Variants in AXIN1 observed in about 807,000 individuals in gnomAD.
The protein encoded by AXIN1 is axin-1.
In AXIN1, 30 loss-of-function variants were observed where a neutral mutation model predicts 76.4. The observed-to-expected ratio is 0.39, with a 90% CI of 0.29 to 0.53. The LOEUF (loss-of-function observed/expected upper bound fraction) is 0.53. AXIN1 is among the 20% of genes least tolerant of loss of function. The probability of loss-of-function intolerance (pLI) is 0.66; values close to 1 mark genes in which losing one functional copy is unlikely to be tolerated. For synonymous variants in AXIN1, 545 were observed against 501.4 expected (o/e 1.09, Z -1.16); for missense variants, 1,140 against 1,198.8 (o/e 0.95, Z 0.72).
chr16:304,272 C>T (rs778456097), intron 5 of AXIN1, 32 bp downstream of exon 5: 14 of 1,602,960 alleles, frequency 8.7e-6, no homozygotes, highest in Admixed American at 1.7e-5. Flanking sequence ...ACGACACCGA[C>T]GCGGAGCGCG....
At chr16:328,388 G>A (rs1168637507) in intron 2 of AXIN1, among the ~76,000 whole-genome samples, 1 of 151,804 alleles carries the variant, frequency 6.6e-6, no homozygotes, top group East Asian at 1.9e-4. Flanking sequence ...GCAAGACTCT[G>A]TCACTAAAAA....
At chr16:323,361 C>T (rs2053502445) in intron 2 of AXIN1, among the ~76,000 whole-genome samples, 2 of 149,682 alleles carry the variant, frequency 1.3e-5, no homozygotes, top group Non-Finnish European at 3.0e-5. Context: ...ATGGCGTGAA[C>T]CCAGGAGGCA....
At chr16:324,010 G>A (rs1015566086) in intron 2 of AXIN1, among the ~76,000 whole-genome samples, 2 of 152,138 alleles carry the variant, frequency 1.3e-5, no homozygotes, top group Non-Finnish European at 1.5e-5. Context: ...CATAGTCCAT[G>A]GGGAGACCTG....
At chr16:323,438 CAAAAAA>C (rs57234697) in intron 2 of AXIN1, among the ~76,000 whole-genome samples, 103 of 77,528 alleles carry the variant, frequency 1.3e-3, no homozygotes, top group African/African-American at 4.6e-3. Flanking sequence ...GACTCCGTCT[CAAAAAA>C]AAAAAAAAAG....
chr16:337,094 G>A (rs1020867551), intron 2 of AXIN1, among the ~76,000 whole-genome samples: 5 of 131,414 alleles, frequency 3.8e-5, no homozygotes, highest in Non-Finnish European at 6.2e-5. Context: ...AGGTTGCAGT[G>A]AGCTGAGATC....
chr16:308,508 A>G (rs2053087061), intron 4 of AXIN1, among the ~76,000 whole-genome samples: 2 of 152,202 alleles, frequency 1.3e-5, no homozygotes, highest in Admixed American at 6.5e-5. Flanking sequence ...AGCCCACTCA[A>G]GCCCCGTCCT....
At chr16:320,481 T>C (rs1277904006) in intron 2 of AXIN1, among the ~76,000 whole-genome samples, 1 of 152,102 alleles carries the variant, frequency 6.6e-6, no homozygotes, top group Admixed American at 6.6e-5. Flanking sequence ...CACAAAATTA[T>C]GATGCTTCGC....
intron 2 of AXIN1, among the ~76,000 whole-genome samples, chr16:321,644 T>C (rs542528099): frequency 2.1e-4 from 26 of 125,902 alleles, no homozygotes; most frequent in East Asian, 6.6e-4. Flanking sequence ...ATGAGGTAGG[T>C]GGATTCCAAC....
intron 2 of AXIN1, among the ~76,000 whole-genome samples, chr16:340,117 T>A (rs1316147224): frequency 6.6e-6 from 1 of 152,072 alleles, no homozygotes; most frequent in Non-Finnish European, 1.5e-5. Flanking sequence ...AATAAACTAA[T>A]GAGCAGGTCC....
intron 2 of AXIN1, among the ~76,000 whole-genome samples, chr16:332,996 G>C (rs2053725285): frequency 6.6e-6 from 1 of 152,130 alleles, no homozygotes; most frequent in African/African-American, 2.4e-5. Flanking sequence ...ACCAGCCTGG[G>C]CAACACTGGG....
At chr16:335,516 C>A (rs563165918) in intron 2 of AXIN1, among the ~76,000 whole-genome samples, 1 of 151,946 alleles carries the variant, frequency 6.6e-6, no homozygotes, top group Non-Finnish European at 1.5e-5. Flanking sequence ...AACACAGCAC[C>A]CAGTACCACG....
At chr16:327,564 T>C (rs2053609914) in intron 2 of AXIN1, among the ~76,000 whole-genome samples, 1 of 152,180 alleles carries the variant, frequency 6.6e-6, no homozygotes, top group Non-Finnish European at 1.5e-5. Context: ...AATCAAACAG[T>C]GACGATAGGG....
At chr16:304,775 T>C (rs2141549809) in intron 4 of AXIN1, among the ~76,000 whole-genome samples, 1 of 152,298 alleles carries the variant, frequency 6.6e-6, no homozygotes, top group Admixed American at 6.5e-5. Flanking sequence ...CCTCAGGTGA[T>C]CTGCCCACCT....
chr16:323,163 G>A (rs1266867483), intron 2 of AXIN1, among the ~76,000 whole-genome samples: 1 of 152,146 alleles, frequency 6.6e-6, no homozygotes, highest in African/African-American at 2.4e-5. Context: ...AAAGAGGCCG[G>A]GCGCGGTGGC....
intron 2 of AXIN1, among the ~76,000 whole-genome samples, chr16:344,567 C>T (rs1352115712): frequency 6.6e-6 from 1 of 151,590 alleles, no homozygotes; most frequent in Non-Finnish European, 1.5e-5. Context: ...AGGCTCACTG[C>T]AACCTCTGCC....
chr16:290,993 G>A (rs1165811356), intron 9 of AXIN1, 197 bp downstream of exon 9: 5 of 642,968 alleles, frequency 7.8e-6, no homozygotes, highest in South Asian at 5.2e-5. Context: ...TGGACAGTCA[G>A]CGTCTCCTTT....
chr16:287,715 G>T lies in AXIN1; in HGVS notation c.*407C>A. 3 of 370,960 alleles carry T rather than the reference G, an allele frequency of 8.1e-6. No individual in the cohort carries two copies. Among genetic ancestry groups the T allele is most frequent in the South Asian group, 6.4e-5 (2 of 31,010 alleles). The allele number at this position is 370,960 out of a possible 1,614,324, so 23.0% of individuals were successfully genotyped here. A position where few individuals can be genotyped will look rare whatever the true frequency, so the allele number is the denominator to read the frequency against. On this transcript the variant is annotated 3_prime_UTR_variant, in exon 11 of 11. Coordinates refer to ENST00000262320, the MANE Select transcript of AXIN1 (RefSeq NM_003502.4). ...TCGGTGGCGCGTACAATTGACAGAGGCCCTGCAGGCCTCTGCATCCGGGCC... is the reference window on the plus strand; with the variant it reads ...TCGGTGGCGCGTACAATTGACAGAGTCCCTGCAGGCCTCTGCATCCGGGCC...
Position 287,585 on chromosome 16 carries a change from A to G in AXIN1, c.*537T>C. The G allele has an allele frequency of 6.5e-6, 2 of 307,696 alleles. No individual in the cohort carries two copies. The highest frequency in any genetic ancestry group is 5.0e-5 in the East Asian group (1 of 19,950). The allele number at this position is 307,696 out of a possible 1,614,324, so 19.1% of individuals were successfully genotyped here. A position where few individuals can be genotyped will look rare whatever the true frequency, so the allele number is the denominator to read the frequency against. ...AATGTACATATTTACACGGGCCCTC[A>G]GAAAGGAGGACCCAGGACTGCACAG... On this transcript the variant is annotated 3_prime_UTR_variant, in exon 11 of 11. Transcript: ENST00000262320.
chr16:323,577 C>A (rs139894550), intron 2 of AXIN1, among the ~76,000 whole-genome samples: 1 of 151,728 alleles, frequency 6.6e-6, no homozygotes, highest in South Asian at 2.1e-4. Context: ...GTCAAGAGAT[C>A]AAGACCATCC....
Sources: gnomAD v4.1 joint callset for allele counts (sites outside exome capture counted in the v4.1 genomes callset) on GRCh38, gnomAD v4.1.1 for gene constraint, MANE v1.5 for transcripts, NCBI Gene and HGNC (gene_info 2026-07-23, HGNC 2026-07-21) for gene names.